Variants in OSBPL11 observed in about 807,000 individuals in gnomAD.
OSBPL11 encodes the protein oxysterol-binding protein-related protein 11.
OSBPL11 carries 33 observed loss-of-function variants against 84.4 expected under a neutral mutation model. That is an observed-to-expected ratio of 0.39 (90% CI 0.30 to 0.52). The LOEUF is 0.52. OSBPL11 is among the 20% of genes least tolerant of loss of function. The pLI is 0.72. For synonymous variants in OSBPL11, 276 were observed against 310.2 expected, an observed-to-expected ratio of 0.89 and a Z score of 1.16; for missense variants, 736 against 901.1, an observed-to-expected ratio of 0.82 and a Z score of 2.35.
At chr3:125,584,280 C>T (rs949100260) in intron 1 of OSBPL11, among the ~76,000 whole-genome samples, 6 of 152,024 alleles carry the variant, frequency 3.9e-5, no homozygotes, top group Admixed American at 2.0e-4. Flanking sequence ...GCAGGAGAAT[C>T]GCTTGAACCC....
At position 125,569,834 on chromosome 3, in the gene OSBPL11, T is replaced by C. The variant is rs1038308277; in HGVS notation, c.667-2239A>G. Among the ~76,000 whole-genome samples the C allele has an allele frequency of 7.9e-5, 12 of 152,326 alleles. No individual in the cohort carries two copies. In the East Asian group the frequency reaches 2.1e-3, roughly 27 times the overall value. ...GCCATACCCGAAGGAGTACATACTA[T>C]ATGATTCCAGTTTTAGAAGCATCAA... is the stretch of plus-strand genomic sequence containing the variant. On this transcript the variant is annotated intron_variant, in intron 5 of 12. Transcript: ENST00000296220.
At chr3:125,544,244 C>T (rs890542114) in intron 10 of OSBPL11, among the ~76,000 whole-genome samples, 1 of 151,804 alleles carries the variant, frequency 6.6e-6, no homozygotes, top group Admixed American at 6.6e-5. Context: ...TTAGTAAAGA[C>T]GGGGTTTCAC....
At chr3:125,543,086 C>G (rs896304230) in intron 10 of OSBPL11, among the ~76,000 whole-genome samples, 2 of 149,276 alleles carry the variant, frequency 1.3e-5, no homozygotes, top group African/African-American at 4.9e-5. Context: ...ATTTTCTCAT[C>G]TATAAAACCA....
intron 1 of OSBPL11, among the ~76,000 whole-genome samples, chr3:125,592,227 T>A (rs1212910663): frequency 6.6e-6 from 1 of 151,930 alleles, no homozygotes; most frequent in African/African-American, 2.4e-5. Flanking sequence ...TTTGTAGAGA[T>A]GGGGTCTCTC....
chr3:125,581,565 G>A (rs899455865), intron 2 of OSBPL11, among the ~76,000 whole-genome samples: 3 of 151,306 alleles, frequency 2.0e-5, no homozygotes, highest in Non-Finnish European at 4.4e-5. Flanking sequence ...GCGAGGTGGC[G>A]TGCACCTGTA....
At chr3:125,588,241 AAG>A (rs1189251085) in intron 1 of OSBPL11, among the ~76,000 whole-genome samples, 1 of 151,500 alleles carries the variant, frequency 6.6e-6, no homozygotes, top group African/African-American at 2.4e-5. Flanking sequence ...AAAAAAAAAA[AAG>A]AGAAGTTCAG....
In OSBPL11 at chr3:125,595,429, C is replaced by A. The variant is rs1936670649; in HGVS notation, c.-629G>T. On this transcript the variant is annotated 5_prime_UTR_variant, in exon 1 of 13. Coordinates refer to ENST00000296220, the MANE Select transcript of OSBPL11 (RefSeq NM_022776.5). ...GGACAACTTCCTCTTATGCCCCTGG[C>A]CCGGGCCCTCGACTGGGTTCCCAGG... is the stretch of plus-strand genomic sequence containing the variant. Among the ~76,000 whole-genome samples the A allele has an allele frequency of 6.6e-6, 1 of 152,216 alleles. No homozygotes were observed. Among genetic ancestry groups the A allele is most frequent in the Non-Finnish European group, 1.5e-5 (1 of 68,026 alleles).
intron 10 of OSBPL11, among the ~76,000 whole-genome samples, chr3:125,541,278 C>T (rs974591436): frequency 6.6e-6 from 1 of 152,106 alleles, no homozygotes; most frequent in African/African-American, 2.4e-5. Context: ...TCTCTATAGC[C>T]CCAGATAGCA....
intron 1 of OSBPL11, among the ~76,000 whole-genome samples, chr3:125,589,840 T>A (rs1430853913): frequency 1.3e-5 from 2 of 152,210 alleles, no homozygotes; most frequent in Non-Finnish European, 2.9e-5. Flanking sequence ...ATTTGCAGAC[T>A]TTTACACATT....
chr3:125,552,741 C>T, intron 8 of OSBPL11, 62 bp from the exon 9 acceptor site: 1 of 1,504,388 alleles, frequency 6.6e-7, no homozygotes, highest in South Asian at 1.3e-5. Context: ...CTGTAGACAA[C>T]TATTCTCTCT....
chr3:125,569,291 G>T (rs1487500203), intron 5 of OSBPL11, among the ~76,000 whole-genome samples: 1 of 152,040 alleles, frequency 6.6e-6, no homozygotes, highest in African/African-American at 2.4e-5. Flanking sequence ...AGTGAAAGAG[G>T]TGTACAAAAT....
At chr3:125,539,142 G>A (rs910804735) in intron 10 of OSBPL11, among the ~76,000 whole-genome samples, 1 of 150,624 alleles carries the variant, frequency 6.6e-6, no homozygotes, top group Non-Finnish European at 1.5e-5. Context: ...ATAATAGGTA[G>A]AAAAACATAA....
chr3:125,539,827 G>C (rs945164528), intron 10 of OSBPL11, among the ~76,000 whole-genome samples: 3 of 152,172 alleles, frequency 2.0e-5, no homozygotes, highest in Non-Finnish European at 2.9e-5. Flanking sequence ...CAGAGGTTCA[G>C]AACTTAGGGA....
intron 11 of OSBPL11, among the ~76,000 whole-genome samples, chr3:125,534,951 G>GAAAAAAAAAAAAAAAAA (rs56164804): frequency 6.2e-5 from 4 of 64,654 alleles, no homozygotes; most frequent in African/African-American, 1.5e-4. Flanking sequence ...TAAGAAATTA[G>GAAAAAAAAAAAAAAAAA]AAAAAAAAAA....
chr3:125,581,695 CAAA>C (rs1189619626), intron 2 of OSBPL11, among the ~76,000 whole-genome samples: 6,673 of 63,400 alleles, frequency 0.11, 189 homozygotes, highest in African/African-American at 0.24. Flanking sequence ...GACTCCATCT[CAAA>C]AAAAAAAAAA....
chr3:125,556,751 T>C (rs1935996036), intron 8 of OSBPL11, among the ~76,000 whole-genome samples: 1 of 152,188 alleles, frequency 6.6e-6, no homozygotes, highest in Non-Finnish European at 1.5e-5. Context: ...TTCCTAAACA[T>C]CATTATGGAG....
intron 10 of OSBPL11, 25 bp from the exon 11 acceptor site, chr3:125,538,658 T>C (rs1450881909): frequency 2.0e-5 from 32 of 1,578,294 alleles, no homozygotes; most frequent in Non-Finnish European, 2.6e-5. Flanking sequence ...AAAAGAAAGA[T>C]ATGCTCTAAT....
rs372081483 is a variant in OSBPL11 at position 125,590,117 on chromosome 3, GA to G, written c.164+4519del. Among the ~76,000 whole-genome samples the G allele has an allele frequency of 1.2e-4, 19 of 152,252 alleles. No homozygotes were observed. In the South Asian group the frequency reaches 2.1e-3, roughly 17 times the overall value. ...TTTATAAAGTGTGAATATTCACTAT[GA>G]AAAAGGAAGGAAAGACCCAGAACTG... On this transcript the variant is annotated intron_variant, in intron 1 of 12. Coordinates refer to ENST00000296220, the MANE Select transcript of OSBPL11 (RefSeq NM_022776.5).
At chr3:125,563,677 C>A in intron 7 of OSBPL11, 21 bp downstream of exon 7, 1 of 1,608,636 alleles carries the variant, frequency 6.2e-7, no homozygotes, top group South Asian at 1.1e-5. Flanking sequence ...ACATCAAAAT[C>A]ATATTTTTAT....
Sources: gnomAD v4.1 joint callset for allele counts (sites outside exome capture counted in the v4.1 genomes callset) on GRCh38, gnomAD v4.1.1 for gene constraint, MANE v1.5 for transcripts, NCBI Gene and HGNC (gene_info 2026-07-23, HGNC 2026-07-21) for gene names.